The following FAM193B variants were observed in gnomAD, a reference collection of about 807,000 sequenced individuals.
The protein encoded by FAM193B is family with sequence similarity 193 member B.
A neutral mutation model predicts 70.7 loss-of-function variants in FAM193B; 27 were observed. The observed-to-expected ratio is 0.38, with a 90% CI of 0.28 to 0.53. FAM193B has a LOEUF of 0.53. Ranked by LOEUF, FAM193B falls within the 20% of genes least tolerant of loss-of-function variation. The pLI is 0.81. For synonymous variants in FAM193B, 448 were observed against 436.0 expected, an observed-to-expected ratio of 1.03 and a Z score of -0.34; for missense variants, 1,022 against 1,072.5, an observed-to-expected ratio of 0.95 and a Z score of 0.66.
chr5:177,532,206 G>T lies in FAM193B; in HGVS notation c.1275+237C>A, dbSNP rs898964938. 1.3e-5 allele frequency: 19 copies of T among 1,494,390 alleles called. No homozygotes were observed. The Admixed American group carries it at 4.3e-4, about 34-fold the overall frequency. 92.6% of individuals were successfully genotyped at this position (1,494,390 alleles called of 1,614,324 possible). ...GCCATTTCCTTTCCTTTTGCCTAAG[G>T]AAAAAAAGTCAATCTTAAGAGAAAC... is the stretch of plus-strand genomic sequence containing the variant. On this transcript the variant is annotated intron_variant, in intron 5 of 8. Transcript: ENST00000514747. The surrounding 1 kb of genome is among the most constrained non-coding windows in gnomAD (Gnocchi z 4.9).
chr5:177,525,342 C>T, intron 5 of FAM193B, 137 bp from the exon 6 acceptor site: 2 of 908,910 alleles, frequency 2.2e-6, no homozygotes, highest in South Asian at 6.6e-5. Flanking sequence ...CCTGCTTACC[C>T]ACCCTGCAGG....
chr5:177,528,498 A>G (rs1285318498), intron 5 of FAM193B, among the ~76,000 whole-genome samples: 1 of 152,164 alleles, frequency 6.6e-6, no homozygotes, highest in Non-Finnish European at 1.5e-5. Context: ...AGGAGAGGCT[A>G]AGCTAGACCA....
rs1163540566 is a variant in FAM193B at position 177,538,308 on chromosome 5, A to T, written c.454-201T>A. On this transcript the variant is annotated intron_variant, in intron 2 of 8. Coordinates refer to ENST00000514747, the MANE Select transcript of FAM193B (RefSeq NM_001190946.3). This position sits in a 1 kb window ranked among gnomAD's most constrained non-coding sequence, Gnocchi z 4.1. ...AAAGGGCTGCGGTGGTCCCACTTAC[A>T]TGCAATGTGTGGAGACTGGGGAGAG... Among the ~76,000 whole-genome samples the T allele has an allele frequency of 6.6e-6, 1 of 152,142 alleles. No individual in the cohort carries two copies. Among genetic ancestry groups the T allele is most frequent in the Non-Finnish European group, 1.5e-5 (1 of 68,016 alleles).
chr5:177,547,250 C>T (rs1036661709), intron 1 of FAM193B: 1 of 148,890 alleles, frequency 6.7e-6, no homozygotes, highest in African/African-American at 2.5e-5. Context: ...GACAGGGAAA[C>T]TTACTAAGTG....
chr5:177,530,818 GA>G (rs1763333996), intron 5 of FAM193B, among the ~76,000 whole-genome samples: 2 of 152,172 alleles, frequency 1.3e-5, no homozygotes, highest in Non-Finnish European at 2.9e-5. Context: ...GGGCCCTCCT[GA>G]GGAGTCTGTA....
intron 1 of FAM193B, among the ~76,000 whole-genome samples, chr5:177,545,888 C>G (rs1765371428): frequency 6.6e-6 from 1 of 152,120 alleles, no homozygotes; most frequent in Non-Finnish European, 1.5e-5. Flanking sequence ...AAGACACATG[C>G]TGTATCTAAC....
Position 177,554,516 on chromosome 5 carries a change from C to CT in FAM193B, c.-59_-58insA. 1.1e-6 allele frequency: 1 copy of CT among 913,436 alleles called. No individual in the cohort carries two copies. Among genetic ancestry groups the CT allele is most frequent in the Non-Finnish European group, 1.3e-6 (1 of 761,114 alleles). The allele number at this position is 913,436 out of a possible 1,614,324, so 56.6% of individuals were successfully genotyped here. A position where few individuals can be genotyped will look rare whatever the true frequency, so the allele number is the denominator to read the frequency against. On this transcript the variant is annotated 5_prime_UTR_variant, in exon 1 of 9. Coordinates refer to ENST00000514747, the MANE Select transcript of FAM193B (RefSeq NM_001190946.3). The stretch of plus-strand genomic sequence containing the variant: ...GCCGCCGCCGCCGCCGCCGCCGCCG[C>CT]CGCCGCCGCCGCCGCTACCGCTCCC...
intron 1 of FAM193B, among the ~76,000 whole-genome samples, chr5:177,546,699 C>T (rs1188813619): frequency 3.3e-5 from 5 of 152,218 alleles, no homozygotes. Flanking sequence ...AGGCTGTGGG[C>T]TCAGGCCCTT....
At chr5:177,547,214 C>CT (rs1467194267) in intron 1 of FAM193B, 2 of 151,288 alleles carry the variant, frequency 1.3e-5, no homozygotes, top group African/African-American at 4.9e-5. Flanking sequence ...CCGTTAGTTT[C>CT]TTTCCTCTTC....
intron 5 of FAM193B, chr5:177,531,282 C>T: frequency 7.6e-7 from 1 of 1,311,740 alleles, no homozygotes; most frequent in Non-Finnish European, 1.0e-6. Flanking sequence ...CTACACCCAC[C>T]TTCTTTTTCA....
chr5:177,539,402 A>AG (rs2127475570), intron 1 of FAM193B: 1 of 433,536 alleles, frequency 2.3e-6, no homozygotes, highest in South Asian at 3.0e-5. Context: ...GTTGAACCCT[A>AG]GTGAGTCTGG....
At chr5:177,539,734 T>G (rs1320210532) in intron 1 of FAM193B, among the ~76,000 whole-genome samples, 1 of 152,220 alleles carries the variant, frequency 6.6e-6, no homozygotes. Context: ...AGGCTCTGGT[T>G]GGTGCTCCTG....
At chr5:177,553,962 C>T (rs1766674122) in intron 1 of FAM193B, 2 of 1,251,246 alleles carry the variant, frequency 1.6e-6, no homozygotes, top group Middle Eastern at 3.1e-4. Flanking sequence ...ACAGCCCAGT[C>T]CCAGTCCCAG....
At chr5:177,542,932 G>C (rs572285259) in intron 1 of FAM193B, among the ~76,000 whole-genome samples, 2 of 152,300 alleles carry the variant, frequency 1.3e-5, no homozygotes, top group East Asian at 1.9e-4. Context: ...CCATGTGGTA[G>C]AGAACTCAGA....
chr5:177,535,683 T>C (rs779821221), intron 4 of FAM193B, among the ~76,000 whole-genome samples: 4 of 152,226 alleles, frequency 2.6e-5, no homozygotes, highest in African/African-American at 7.2e-5. Context: ...TATATGACTA[T>C]TGAAAAGTTT....
At chr5:177,553,265 G>C in intron 1 of FAM193B, 1 of 987,120 alleles carries the variant, frequency 1.0e-6, no homozygotes, top group Non-Finnish European at 1.2e-6. Flanking sequence ...TGCAGTGTCT[G>C]CAGAGCCAAA....
At chr5:177,530,825 C>G (rs1763335441) in intron 5 of FAM193B, among the ~76,000 whole-genome samples, 1 of 152,138 alleles carries the variant, frequency 6.6e-6, no homozygotes, top group Non-Finnish European at 1.5e-5. Context: ...CCTGAGGAGT[C>G]TGTACTCACA....
At position 177,532,333 on chromosome 5, in the gene FAM193B, A is replaced by G. The variant is rs528228800; in HGVS notation, c.1275+110T>C. 2 of 1,493,380 alleles carry G rather than the reference A, an allele frequency of 1.3e-6. No individual in the cohort carries two copies. The highest frequency in any genetic ancestry group is 2.8e-5 in the African/African-American group (2 of 70,656). 92.5% of individuals were successfully genotyped at this position (1,493,380 alleles called of 1,614,324 possible). A position where few individuals can be genotyped will look rare whatever the true frequency, so the allele number is the denominator to read the frequency against. ...CGCAGGTGCAAGGACTCACGGCCCC[A>G]GCACGGTAATTACCACCGTGAGCAA... On this transcript the variant is annotated intron_variant, in intron 5 of 8. Transcript: ENST00000514747. The surrounding 1 kb of genome is among the most constrained non-coding windows in gnomAD (Gnocchi z 4.9).
At position 177,532,395 on chromosome 5, in the gene FAM193B, C is replaced by T. The variant is rs1275506451; in HGVS notation, c.1275+48G>A. ...GGGAGAGCAGGGTGCTCCTTTTGCT[C>T]ACCTTGGCTGGCCCCCAGCCCTCTC... On this transcript the variant is annotated intron_variant, in intron 5 of 8. Transcript: ENST00000514747. The surrounding 1 kb of genome is among the most constrained non-coding windows in gnomAD (Gnocchi z 4.9). 6.4e-7 allele frequency: 1 copy of T among 1,569,452 alleles called. No individual in the cohort carries two copies. Among genetic ancestry groups the T allele is most frequent in the East Asian group, 2.3e-5 (1 of 43,200 alleles).
Sources: allele counts gnomAD v4.1 joint callset (sites outside exome capture counted in the v4.1 genomes callset), GRCh38; gene constraint gnomAD v4.1.1; non-coding constraint Gnocchi (gnomAD v3.1); transcripts MANE v1.5; gene names NCBI Gene and HGNC (gene_info 2026-07-23, HGNC 2026-07-21).